CYRIB: variants seen among roughly 807,000 people sequenced by gnomAD.
The protein encoded by CYRIB is CYFIP related Rac1 interactor B.
In CYRIB, 8 loss-of-function variants were observed where a neutral mutation model predicts 44.2. The observed-to-expected ratio is 0.18, with a 90% CI of 0.11 to 0.33. The LOEUF (loss-of-function observed/expected upper bound fraction) is 0.33. Among genes scored for constraint, CYRIB ranks in the 10% least tolerant of loss-of-function variants. The probability of loss-of-function intolerance (pLI) is 1.00; values close to 1 mark genes in which losing one functional copy is unlikely to be tolerated. For synonymous variants in CYRIB, 131 were observed against 127.2 expected, an observed-to-expected ratio of 1.03 and a Z score of -0.20; for missense variants, 185 against 382.8, an observed-to-expected ratio of 0.48 and a Z score of 4.31.
intron 1 of CYRIB, among the ~76,000 whole-genome samples, chr8:129,981,208 C>T (rs536179959): frequency 1.3e-5 from 2 of 152,086 alleles, no homozygotes; most frequent in Admixed American, 6.6e-5. Context: ...GGTGCAATCT[C>T]GGCTCACTGC....
At chr8:129,912,199 T>A (rs1185482427) in intron 1 of CYRIB, among the ~76,000 whole-genome samples, 2 of 152,110 alleles carry the variant, frequency 1.3e-5, no homozygotes, top group African/African-American at 4.8e-5. Flanking sequence ...GCTTTACAGT[T>A]TATATATATA....
At chr8:129,897,052 C>G (rs2068450162) in intron 2 of CYRIB, among the ~76,000 whole-genome samples, 1 of 152,164 alleles carries the variant, frequency 6.6e-6, no homozygotes, top group Non-Finnish European at 1.5e-5. Flanking sequence ...CTCTTCTCAA[C>G]ACTATAGTCA....
chr8:129,865,846 T>C (rs2053232864), intron 4 of CYRIB, among the ~76,000 whole-genome samples: 1 of 152,258 alleles, frequency 6.6e-6, no homozygotes, highest in Non-Finnish European at 1.5e-5. Flanking sequence ...CAGTAAGCTT[T>C]AGATAAATAC....
intron 2 of CYRIB, among the ~76,000 whole-genome samples, chr8:129,881,141 A>C (rs1021795185): frequency 6.6e-6 from 1 of 152,336 alleles, no homozygotes; most frequent in South Asian, 2.1e-4. Context: ...GGAGGACAAA[A>C]AGTGAAAATA....
chr8:129,958,741 T>G (rs1591165279), intron 2 of CYRIB, among the ~76,000 whole-genome samples: 1 of 151,176 alleles, frequency 6.6e-6, no homozygotes, highest in Non-Finnish European at 1.5e-5. Context: ...AAGCAGAGTT[T>G]TCCTCCCATC....
chr8:129,991,557 C>T (rs754562538), intron 1 of CYRIB, among the ~76,000 whole-genome samples: 1 of 152,132 alleles, frequency 6.6e-6, no homozygotes, highest in Non-Finnish European at 1.5e-5. Context: ...ATGTGATGCC[C>T]TGCACAGCCT....
intron 2 of CYRIB, among the ~76,000 whole-genome samples, chr8:129,959,295 G>C (rs964744104): frequency 6.6e-6 from 1 of 152,038 alleles, no homozygotes; most frequent in Non-Finnish European, 1.5e-5. Flanking sequence ...TGCTTCCTAG[G>C]TGTGTGTGGT....
chr8:129,973,561 C>G (rs1386889369), intron 1 of CYRIB, among the ~76,000 whole-genome samples: 1 of 152,234 alleles, frequency 6.6e-6, no homozygotes, highest in Non-Finnish European at 1.5e-5. Context: ...AAGTCGGCTC[C>G]AGAGGACAAG....
intron 2 of CYRIB, among the ~76,000 whole-genome samples, chr8:129,949,599 G>C (rs920086873): frequency 2.6e-5 from 4 of 152,088 alleles, no homozygotes; most frequent in Non-Finnish European, 5.9e-5. Context: ...TGGGCATGGT[G>C]GCTCATGCCT....
intron 2 of CYRIB, among the ~76,000 whole-genome samples, chr8:129,888,893 G>C (rs1350010719): frequency 6.6e-6 from 1 of 152,164 alleles, no homozygotes; most frequent in Non-Finnish European, 1.5e-5. Flanking sequence ...AGGAGTTTGA[G>C]ACCAGCCTGG....
chr8:129,871,538 AT>A (rs760214422), intron 3 of CYRIB, 42 bp from the exon 6 acceptor site: 2 of 1,596,688 alleles, frequency 1.3e-6, no homozygotes, highest in East Asian at 2.3e-5. Flanking sequence ...AGTGACATGA[AT>A]TTTTTAAAAT....
At chr8:130,012,323 G>T (rs953123214) in intron 1 of CYRIB, among the ~76,000 whole-genome samples, 2 of 152,196 alleles carry the variant, frequency 1.3e-5, no homozygotes, top group Non-Finnish European at 2.9e-5. Flanking sequence ...TCCACAATTG[G>T]TTTAAAATAG....
exon 10 of CYRIB, chr8:129,849,271 C>T (rs1459471656): frequency 6.2e-7 from 1 of 1,604,346 alleles, no homozygotes; most frequent in Admixed American, 1.7e-5. Flanking sequence ...AGCAAATGCT[C>T]CCACTGGATG....
chr8:129,973,851 C>T (rs1206497302), intron 1 of CYRIB, among the ~76,000 whole-genome samples: 1 of 152,128 alleles, frequency 6.6e-6, no homozygotes, highest in Non-Finnish European at 1.5e-5. Context: ...AGCCTTCTAA[C>T]CAACTCCCTC....
chr8:129,975,230 G>A (rs2095867982), intron 1 of CYRIB, among the ~76,000 whole-genome samples: 1 of 151,330 alleles, frequency 6.6e-6, no homozygotes, highest in African/African-American at 2.4e-5. Flanking sequence ...TGCCCAGGCT[G>A]GTCTCGAACT....
In CYRIB at chr8:129,923,930, G is replaced by A. The variant is rs141366809; in HGVS notation, c.-50+15678C>T. ...TTTTTTTTTAAAACACTGCAAAACC[G>A]GTGATGTTACCTTTTTACAAAAAGT... On this transcript the variant is annotated intron_variant, in intron 1 of 11. Transcript: ENST00000519824. Among the ~76,000 whole-genome samples the A allele has an allele frequency of 4.9e-4, 73 of 149,518 alleles. No homozygotes were observed. The South Asian group carries it at 0.01, about 21-fold the overall frequency.
chr8:129,903,658 G>T (rs298613), intron 1 of CYRIB, among the ~76,000 whole-genome samples: 61,597 of 151,958 alleles, frequency 0.41, 13,576 homozygotes, highest in East Asian at 0.55. Flanking sequence ...CATAGCTTAT[G>T]AAGCAAAGGG....
intron 1 of CYRIB, among the ~76,000 whole-genome samples, chr8:129,931,912 T>A (rs1211666746): frequency 6.6e-6 from 1 of 151,970 alleles, no homozygotes; most frequent in Non-Finnish European, 1.5e-5. Flanking sequence ...CAGGCGTGAG[T>A]CAGTATGCCT....
intron 10 of CYRIB, 93 bp downstream of exon 12, chr8:129,849,150 G>A (rs1459502010): frequency 4.9e-6 from 6 of 1,212,454 alleles, no homozygotes; most frequent in South Asian, 3.1e-5. Context: ...AGTTTTGTGA[G>A]AGTCCGGTTT....
Sources: allele counts gnomAD v4.1 joint callset (sites outside exome capture counted in the v4.1 genomes callset), GRCh38; gene constraint gnomAD v4.1.1; transcripts MANE v1.5; gene names NCBI Gene and HGNC (gene_info 2026-07-23, HGNC 2026-07-21).